Variants in SYMPK observed in about 807,000 individuals in gnomAD.
The protein encoded by SYMPK is symplekin scaffold protein.
In SYMPK, 49 loss-of-function variants were observed where a neutral mutation model predicts 136.4. The observed-to-expected ratio is 0.36, with a 90% CI of 0.29 to 0.46. SYMPK has a LOEUF of 0.46. Ranked by LOEUF, SYMPK falls within the 20% of genes least tolerant of loss-of-function variation. The pLI is 1.00. For missense variants in SYMPK, 1,365 were observed against 1,690.0 expected (o/e 0.81, Z 3.37); for synonymous variants, 766 against 713.0 (o/e 1.07, Z -1.19).
chr19:45,839,822 ACT>A (rs1457358826), intron 9 of SYMPK, among the ~76,000 whole-genome samples: 4 of 150,270 alleles, frequency 2.7e-5, no homozygotes, highest in Admixed American at 6.7e-5. Flanking sequence ...ACAGAGCGAG[ACT>A]CTGTCTCAAA....
chr19:45,838,254 C>A (rs898163369), intron 10 of SYMPK, among the ~76,000 whole-genome samples: 1 of 152,072 alleles, frequency 6.6e-6, no homozygotes, highest in Admixed American at 6.6e-5. Context: ...TGATTGGAAG[C>A]TTCCTGAGGT....
rs1408940207 is a variant in SYMPK at position 45,818,058 on chromosome 19, C to T, written c.2982G>A (p.Leu994=). 2 of 1,566,976 alleles carry T rather than the reference C, an allele frequency of 1.3e-6. No individual in the cohort carries two copies. Among genetic ancestry groups the T allele is most frequent in the Non-Finnish European group, 1.7e-6 (2 of 1,155,894 alleles). Residue 994 remains leucine (L), a synonymous_variant, in exon 23 of 27, where the codon CTG becomes CTA. Transcript: ENST00000245934. ...TGACGGTCCTCATGAGCAGCATGGG[C>T]AGGGGGCTCTGCTCCATCAGCTGCT... ...VMQQLMEQSP[L]PMLLMRTVIQ...
chr19:45,848,132 G>C, intron 6 of SYMPK, 131 bp from the exon 7 acceptor site: 1 of 1,200,234 alleles, frequency 8.3e-7, no homozygotes, highest in Non-Finnish European at 1.1e-6. Flanking sequence ...AACAGTTACT[G>C]AGTTCCAACT....
chr19:45,851,168 G>C (rs760296923), intron 5 of SYMPK, among the ~76,000 whole-genome samples: 1 of 152,228 alleles, frequency 6.6e-6, no homozygotes, highest in Non-Finnish European at 1.5e-5. Flanking sequence ...CACTCTGGCT[G>C]CTGAGTGCAA....
Position 45,848,743 on chromosome 19 carries a change from C to T in SYMPK, c.426+7G>A, listed in dbSNP as rs746170701. On this transcript the variant is annotated splice_region_variant and intron_variant, in intron 6 of 26. Transcript: ENST00000245934. ...AGGATGGCCCTGGGTGGGGAGGGCGCTCTCACCTGCAGGGCCACCTTGTAG... is the reference window on the plus strand; with the variant it reads ...AGGATGGCCCTGGGTGGGGAGGGCGTTCTCACCTGCAGGGCCACCTTGTAG... 2 of 1,613,184 alleles carry T rather than the reference C, an allele frequency of 1.2e-6. No homozygotes were observed. The highest frequency in any genetic ancestry group is 2.7e-5 in the African/African-American group (2 of 74,892).
At chr19:45,860,280 AC>A (rs1227422395) in intron 1 of SYMPK, among the ~76,000 whole-genome samples, 1 of 151,732 alleles carries the variant, frequency 6.6e-6, no homozygotes, top group Non-Finnish European at 1.5e-5. Context: ...ACATGGTGAA[AC>A]CTCATCTCTA....
intron 23 of SYMPK, 90 bp downstream of exon 23, chr19:45,817,869 C>G: frequency 7.4e-7 from 1 of 1,348,772 alleles, no homozygotes; most frequent in South Asian, 1.4e-5. Flanking sequence ...CCACCGGGCT[C>G]CCTCCGGGGT....
chr19:45,841,350 T>C (rs764850992), intron 9 of SYMPK, among the ~76,000 whole-genome samples: 4 of 149,640 alleles, frequency 2.7e-5, no homozygotes, highest in Non-Finnish European at 4.4e-5. Context: ...TGGAGTGCAA[T>C]GGCATGATCT....
At chr19:45,851,730 C>T (rs185247603) in intron 5 of SYMPK, among the ~76,000 whole-genome samples, 5 of 151,972 alleles carry the variant, frequency 3.3e-5, no homozygotes, top group South Asian at 2.1e-4. Flanking sequence ...AAAAATAAGC[C>T]GGATGTGGTG....
chr19:45,853,105 C>T (rs935190824), intron 3 of SYMPK, among the ~76,000 whole-genome samples: 4 of 152,202 alleles, frequency 2.6e-5, no homozygotes, highest in Non-Finnish European at 1.5e-5. Context: ...GCTACTATTG[C>T]TAAACGGCCT....
At position 45,853,995 on chromosome 19, in the gene SYMPK, A is replaced by G. The variant is rs558476747; in HGVS notation, c.171+180T>C. On this transcript the variant is annotated intron_variant, in intron 3 of 26. Coordinates refer to ENST00000245934, the MANE Select transcript of SYMPK (RefSeq NM_004819.3). ...TCTTTCTGTATAAAACAGGGATGAA[A>G]CTACCCTGCCTTACAGAGCTTTCAT... Among the ~76,000 whole-genome samples the G allele has an allele frequency of 2.0e-5, 3 of 152,292 alleles. No individual in the cohort carries two copies. In the South Asian group the frequency reaches 6.2e-4, roughly 32 times the overall value.
chr19:45,830,411 G>A lies in SYMPK; in HGVS notation c.1599-207C>T, dbSNP rs74330464. The A allele has an allele frequency of 9.4e-4, 547 of 579,688 alleles. 6 individuals are homozygous for A. In the East Asian group the frequency reaches 0.016, roughly 17 times the overall value. 35.9% of individuals were successfully genotyped at this position (579,688 alleles called of 1,614,324 possible). ...ATGTTATTTTGGTTTTGCAGAGGGCGTCTTACGGAAGGCTTCTGTGAGTGG... is the reference window on the plus strand; with the variant it reads ...ATGTTATTTTGGTTTTGCAGAGGGCATCTTACGGAAGGCTTCTGTGAGTGG... On this transcript the variant is annotated intron_variant, in intron 12 of 26. Coordinates refer to ENST00000245934, the MANE Select transcript of SYMPK (RefSeq NM_004819.3).
chr19:45,850,211 C>T (rs10425467), intron 5 of SYMPK, among the ~76,000 whole-genome samples: 2,740 of 152,196 alleles, frequency 0.018, 78 homozygotes, highest in African/African-American at 0.061. Flanking sequence ...CACCACTGCA[C>T]CCCAGTCTGG....
At chr19:45,851,811 T>G (rs988062544) in intron 5 of SYMPK, among the ~76,000 whole-genome samples, 1 of 151,964 alleles carries the variant, frequency 6.6e-6, no homozygotes, top group African/African-American at 2.4e-5. Context: ...AAGTCGGAGG[T>G]TGCAGTGAGC....
At chr19:45,827,428 G>A in intron 16 of SYMPK, 82 bp downstream of exon 16, 1 of 916,306 alleles carries the variant, frequency 1.1e-6, no homozygotes. Context: ...GAGTGTGGAA[G>A]ACGTGGGCTG....
chr19:45,826,458 T>A, intron 16 of SYMPK, 85 bp from the exon 17 acceptor site: 1 of 1,463,252 alleles, frequency 6.8e-7, no homozygotes, highest in Non-Finnish European at 9.5e-7. Flanking sequence ...AACACTCACG[T>A]GAAAACAAGC....
rs778170949 is a variant in SYMPK at position 45,823,445 on chromosome 19, C to T, written c.2627G>A (p.Arg876Gln). 36 of 1,613,854 alleles carry T rather than the reference C, an allele frequency of 2.2e-5. No homozygotes were observed. The highest frequency in any genetic ancestry group is 1.2e-4 in the South Asian group (11 of 91,084). Residue 876 changes from arginine (R) to glutamine (Q), a missense_variant, in exon 20 of 27, where the codon CGG becomes CAG. Transcript: ENST00000245934. ...TCGCTTGTGGTAGAGATCCCGGACCCGCTTCACCAGCTCTGGGGAGGGTGG... is the reference window on the plus strand; with the variant it reads ...TCGCTTGTGGTAGAGATCCCGGACCTGCTTCACCAGCTCTGGGGAGGGTGG... ...KVPPSPELVK[R>Q]VRDLYHKRLP...
chr19:45,847,712 T>C, intron 7 of SYMPK, 40 bp downstream of exon 7: 1 of 1,589,258 alleles, frequency 6.3e-7, no homozygotes, highest in Non-Finnish European at 8.6e-7. Context: ...AGGAAACTGG[T>C]GCAGGGCTGT....
In SYMPK at chr19:45,842,267, A is replaced by T; in HGVS notation, c.1070T>A (p.Leu357His). 1 of 1,614,028 alleles carries T rather than the reference A, an allele frequency of 6.2e-7. No homozygotes were observed. Among genetic ancestry groups the T allele is most frequent in the African/African-American group, 1.3e-5 (1 of 74,996 alleles). Residue 357 changes from leucine to histidine, a missense_variant, in exon 9 of 27, where the codon CTC becomes CAC. By Grantham distance (99) the Leu-to-His change is moderately conservative. This residue lies in a region of SYMPK where 111 missense variants were observed against 141.2 expected (regional missense o/e 0.79). Transcript: ENST00000245934. ...CCTCTCACCCAGCTTCATCTTCTTG[A>T]GTGTGGAGTCCGAGTCATCGCGGGG... ...KRPRDDSDST[L>H]KKMKLEPNLG...
Sources: gnomAD v4.1 joint callset for allele counts (sites outside exome capture counted in the v4.1 genomes callset) on GRCh38, gnomAD v4.1.1 for gene constraint, gnomAD v4.1.1 regional missense constraint, MANE v1.5 for transcripts, NCBI Gene and HGNC (gene_info 2026-07-23, HGNC 2026-07-21) for gene names.